Variants in SLC2A1 observed in about 807,000 individuals in gnomAD.
The protein encoded by SLC2A1 is solute carrier family 2, facilitated glucose transporter member 1.
SLC2A1 carries 4 observed loss-of-function variants against 46.6 expected under a neutral mutation model. The observed-to-expected ratio is 0.09, with a 90% CI of 0.04 to 0.20. SLC2A1 has a LOEUF of 0.20. SLC2A1 is among the 10% of genes least tolerant of loss of function. The pLI is 1.00. For missense variants in SLC2A1, 352 were observed against 667.0 expected (o/e 0.53, Z 5.20); for synonymous variants, 253 against 270.0 (o/e 0.94, Z 0.62).
chr1:42,951,078 T>C (rs1318381726), intron 1 of SLC2A1, among the ~76,000 whole-genome samples: 2 of 152,170 alleles, frequency 1.3e-5, no homozygotes, highest in African/African-American at 2.4e-5. Context: ...GAATGCATGC[T>C]CCCAACACTC....
chr1:42,958,126 G>T (rs1405102678), intron 1 of SLC2A1, among the ~76,000 whole-genome samples: 1 of 152,158 alleles, frequency 6.6e-6, no homozygotes, highest in East Asian at 1.9e-4. Context: ...CCCACCTACA[G>T]GGGCGTCCGG....
intron 1 of SLC2A1, among the ~76,000 whole-genome samples, chr1:42,944,064 C>T (rs376657667): frequency 1.9e-4 from 29 of 152,344 alleles, no homozygotes; most frequent in African/African-American, 6.3e-4. Flanking sequence ...ATCCCCAAAC[C>T]ATAAGCCTCC....
chr1:42,942,655 G>A (rs1406546279), intron 2 of SLC2A1, among the ~76,000 whole-genome samples: 3 of 151,982 alleles, frequency 2.0e-5, no homozygotes, highest in Non-Finnish European at 2.9e-5. Context: ...ACAAATAAAG[G>A]AAGTGTGCTG....
chr1:42,958,660 T>A lies in SLC2A1; in HGVS notation c.-9A>T. On this transcript the variant is annotated 5_prime_UTR_variant, in exon 1 of 10. Transcript: ENST00000426263. ...TTGCTGCTGGGCTCCATGGCAGCGCTGCGCTGGTGGCTCTGGCTGCGCCGG... is the reference window on the plus strand; with the variant it reads ...TTGCTGCTGGGCTCCATGGCAGCGCAGCGCTGGTGGCTCTGGCTGCGCCGG... 6.5e-7 allele frequency: 1 copy of A among 1,535,188 alleles called. No homozygotes were observed. The highest frequency in any genetic ancestry group is 8.7e-7 in the Non-Finnish European group (1 of 1,144,778).
intron 8 of SLC2A1, among the ~76,000 whole-genome samples, chr1:42,928,032 A>T (rs925367655): frequency 2.6e-5 from 4 of 152,128 alleles, no homozygotes; most frequent in African/African-American, 9.7e-5. Context: ...ACCCGCTGGG[A>T]GTGGTAATGT....
At chr1:42,955,005 C>T (rs1300764985) in intron 1 of SLC2A1, among the ~76,000 whole-genome samples, 2 of 152,198 alleles carry the variant, frequency 1.3e-5, no homozygotes, top group Non-Finnish European at 2.9e-5. Flanking sequence ...ACTCACTTCC[C>T]AACAAGCCCC....
At chr1:42,955,479 G>C (rs1218218149) in intron 1 of SLC2A1, among the ~76,000 whole-genome samples, 1 of 152,122 alleles carries the variant, frequency 6.6e-6, no homozygotes, top group African/African-American at 2.4e-5. Context: ...GCACGGTGAC[G>C]CATGTCTGTG....
intron 1 of SLC2A1, among the ~76,000 whole-genome samples, chr1:42,944,033 C>A (rs1643625596): frequency 6.6e-6 from 1 of 152,212 alleles, no homozygotes; most frequent in Admixed American, 6.5e-5. Flanking sequence ...GACTCCTTAC[C>A]CAGTGCTCCT....
In SLC2A1 at chr1:42,954,795, T is replaced by C. The variant is rs190094409; in HGVS notation, c.18+3839A>G. ...TGGACCATGAGGTCACTGTAACTTG[T>C]ATCACAGGGCAGTTGTGAGGACCCT... On this transcript the variant is annotated intron_variant, in intron 1 of 9. Transcript: ENST00000426263. The surrounding 1 kb of genome is among the most constrained non-coding windows in gnomAD (Gnocchi z 4.2). Among the ~76,000 whole-genome samples the C allele has an allele frequency of 2.0e-5, 3 of 152,316 alleles. No homozygotes were observed.
chr1:42,952,772 CTGTT>C (rs907438394), intron 1 of SLC2A1: 3 of 187,034 alleles, frequency 1.6e-5, no homozygotes, highest in African/African-American at 7.0e-5. Context: ...CCCAGTGTAG[CTGTT>C]TGTTTCTTTC....
rs575179597 is a variant in SLC2A1 at position 42,941,781 on chromosome 1, G to C, written c.114+1445C>G. ...TTCCATCTGTAAGGATTCCCAAAGG[G>C]AGCCAGTTCTGAAGCACACACTTTG... On this transcript the variant is annotated intron_variant, in intron 2 of 9. Transcript: ENST00000426263. Among the ~76,000 whole-genome samples the C allele has an allele frequency of 1.1e-4, 16 of 152,316 alleles. No homozygotes were observed. The South Asian group carries it at 3.3e-3, about 32-fold the overall frequency.
intron 2 of SLC2A1, among the ~76,000 whole-genome samples, chr1:42,938,992 C>G (rs1643570273): frequency 6.6e-6 from 1 of 152,258 alleles, no homozygotes; most frequent in Admixed American, 6.5e-5. Context: ...AGGCAGCTCC[C>G]TGAGGGCCAG....
At chr1:42,957,903 G>A (rs924968589) in intron 1 of SLC2A1, among the ~76,000 whole-genome samples, 11 of 152,116 alleles carry the variant, frequency 7.2e-5, no homozygotes, top group Non-Finnish European at 1.6e-4. Flanking sequence ...GGGTAAACCT[G>A]CCTCCGCGGA....
rs757645185 is a variant in SLC2A1, at chr1:42,958,665, T to G, written c.-14A>C. On this transcript the variant is annotated 5_prime_UTR_variant, in exon 1 of 10. Transcript: ENST00000426263. ...GCTGGGCTCCATGGCAGCGCTGCGC[T>G]GGTGGCTCTGGCTGCGCCGGGTACG... 3.3e-6 allele frequency: 5 copies of G among 1,535,084 alleles called. No individual in the cohort carries two copies. Among genetic ancestry groups the G allele is most frequent in the Non-Finnish European group, 1.7e-6 (2 of 1,144,732 alleles).
At position 42,930,309 on chromosome 1, in the gene SLC2A1, G is replaced by C; in HGVS notation, c.517-274C>G. 1.6e-6 allele frequency: 1 copy of C among 625,146 alleles called. No individual in the cohort carries two copies. The highest frequency in any genetic ancestry group is 2.9e-6 in the Non-Finnish European group (1 of 348,358). The allele number at this position is 625,146 out of a possible 1,614,324, so 38.7% of individuals were successfully genotyped here. On this transcript the variant is annotated intron_variant, in intron 4 of 9. Transcript: ENST00000426263. This position sits in a 1 kb window ranked among gnomAD's most constrained non-coding sequence, Gnocchi z 6.2. ...GGGGGCTGCTACTCTGCCACAAGAG[G>C]GTTTTGGGGACAGGGAAGGGGAAGC...
Position 42,926,293 on chromosome 1 carries a change from C to A in SLC2A1, c.*748G>T, listed in dbSNP as rs558451502. The A allele has an allele frequency of 6.5e-6, 1 of 153,216 alleles. No homozygotes were observed. Among genetic ancestry groups the A allele is most frequent in the Admixed American group, 6.5e-5 (1 of 15,382 alleles). The allele number at this position is 153,216 out of a possible 1,614,324, so 9.5% of individuals were successfully genotyped here. ...GACAACCAAAAATATATATAAATAT[C>A]TTGCATCTATACACAACAGGGCAGG... On this transcript the variant is annotated 3_prime_UTR_variant, in exon 10 of 10. Transcript: ENST00000426263.
chr1:42,936,567 G>A (rs1358978859), intron 2 of SLC2A1, among the ~76,000 whole-genome samples: 1 of 152,092 alleles, frequency 6.6e-6, no homozygotes, highest in Non-Finnish European at 1.5e-5. Context: ...CTAGAGCTGG[G>A]CCCCAACCCC....
chr1:42,940,806 G>T (rs1352306399), intron 2 of SLC2A1, among the ~76,000 whole-genome samples: 1 of 151,946 alleles, frequency 6.6e-6, no homozygotes, highest in Non-Finnish European at 1.5e-5. Flanking sequence ...CCACTGTGTG[G>T]ATACCAGTGA....
At chr1:42,948,656 C>T (rs571995853) in intron 1 of SLC2A1, among the ~76,000 whole-genome samples, 66 of 152,224 alleles carry the variant, frequency 4.3e-4, no homozygotes, top group African/African-American at 1.5e-3. Context: ...AGGCTGGGCG[C>T]GGTGGCTTAC....
Sources: allele counts gnomAD v4.1 joint callset (sites outside exome capture counted in the v4.1 genomes callset), GRCh38; gene constraint gnomAD v4.1.1; non-coding constraint Gnocchi (gnomAD v3.1); transcripts MANE v1.5; gene names NCBI Gene and HGNC (gene_info 2026-07-23, HGNC 2026-07-21).